Variants in MAGI2 observed in about 807,000 individuals in gnomAD.
MAGI2 encodes membrane-associated guanylate kinase, WW and PDZ domain-containing protein 2.
MAGI2 carries 35 observed loss-of-function variants against 133.3 expected under a neutral mutation model. The observed-to-expected ratio is 0.26, with a 90% CI of 0.20 to 0.35. The LOEUF (loss-of-function observed/expected upper bound fraction) is 0.35, where lower values mean the gene tolerates loss of function less well. Ranked by LOEUF, MAGI2 falls within the 10% of genes least tolerant of loss-of-function variation. The pLI is 1.00. For synonymous variants in MAGI2, 729 were observed against 710.6 expected (o/e 1.03, Z -0.41); for missense variants, 1,636 against 1,863.4 (o/e 0.88, Z 2.25).
At chr7:78,556,268 T>A (rs535920601) in intron 3 of MAGI2, among the ~76,000 whole-genome samples, 13 of 152,106 alleles carry the variant, frequency 8.5e-5, no homozygotes, top group Non-Finnish European at 1.5e-4. Context: ...CAAAACAGGG[T>A]GGGACATAAA....
At chr7:79,312,425 C>T (rs1838359340) in intron 1 of MAGI2, among the ~76,000 whole-genome samples, 2 of 152,144 alleles carry the variant, frequency 1.3e-5, no homozygotes, top group South Asian at 2.1e-4. Flanking sequence ...CCCCTGGGAA[C>T]CTTTATTACT....
At chr7:78,548,258 A>C (rs926656639) in intron 3 of MAGI2, among the ~76,000 whole-genome samples, 1 of 152,246 alleles carries the variant, frequency 6.6e-6, no homozygotes, top group African/African-American at 2.4e-5. Context: ...ATAGCTCTTC[A>C]TTATGAGAAA....
intron 10 of MAGI2, among the ~76,000 whole-genome samples, chr7:78,241,326 C>T (rs1386833658): frequency 2.6e-5 from 4 of 152,158 alleles, no homozygotes; most frequent in Non-Finnish European, 4.4e-5. Flanking sequence ...AATAACTCTA[C>T]AAGATTCCCA....
intron 1 of MAGI2, among the ~76,000 whole-genome samples, chr7:79,060,459 T>C (rs1044588492): frequency 2.0e-5 from 3 of 152,072 alleles, no homozygotes; most frequent in Admixed American, 2.0e-4. Context: ...GTTAGGTCAA[T>C]CAGATAGTAT....
intron 6 of MAGI2, among the ~76,000 whole-genome samples, chr7:78,434,783 T>C (rs1800123609): frequency 6.6e-6 from 1 of 152,046 alleles, no homozygotes; most frequent in South Asian, 2.1e-4. Context: ...AGTACAGATA[T>C]ATCAACTCTT....
chr7:78,627,714 C>T (rs1808520441), intron 2 of MAGI2, among the ~76,000 whole-genome samples: 1 of 152,062 alleles, frequency 6.6e-6, no homozygotes, highest in African/African-American at 2.4e-5. Flanking sequence ...TTTGGGAGGA[C>T]TGTTTGTTGG....
At chr7:78,847,217 C>T (rs908051298) in intron 2 of MAGI2, among the ~76,000 whole-genome samples, 11 of 151,852 alleles carry the variant, frequency 7.2e-5, no homozygotes, top group African/African-American at 2.4e-4. Context: ...GAGTAACTTC[C>T]GTATGCTAGA....
chr7:78,627,709 G>T (rs140306328), intron 2 of MAGI2, among the ~76,000 whole-genome samples: 20 of 152,270 alleles, frequency 1.3e-4, no homozygotes, highest in African/African-American at 4.8e-4. Context: ...TTTCTTTTGG[G>T]AGGACTGTTT....
intron 2 of MAGI2, among the ~76,000 whole-genome samples, chr7:78,754,220 A>C (rs1338401818): frequency 6.6e-6 from 1 of 151,896 alleles, no homozygotes; most frequent in African/African-American, 2.4e-5. Flanking sequence ...TCTACAAAAA[A>C]ATTAGCTGGG....
chr7:79,081,647 C>A (rs890444562), intron 1 of MAGI2, among the ~76,000 whole-genome samples: 1 of 152,074 alleles, frequency 6.6e-6, no homozygotes, highest in Non-Finnish European at 1.5e-5. Context: ...AGAAAATAAA[C>A]AAGCTAAGAG....
intron 2 of MAGI2, among the ~76,000 whole-genome samples, chr7:78,641,877 G>A (rs1810355438): frequency 6.6e-6 from 1 of 152,274 alleles, no homozygotes; most frequent in South Asian, 2.1e-4. Flanking sequence ...TACGTGTTTT[G>A]TGAGGCTGAT....
chr7:79,083,997 G>T (rs1816274181), intron 1 of MAGI2, among the ~76,000 whole-genome samples: 1 of 151,374 alleles, frequency 6.6e-6, no homozygotes, highest in Non-Finnish European at 1.5e-5. Context: ...CTTTGAGTTT[G>T]GTAATGACAC....
rs79456620 is a variant in MAGI2 at position 78,853,873 on chromosome 7, T to C, written c.418+153217A>G. The stretch of plus-strand genomic sequence containing the variant: ...CACTTGCAATACTAGAGTCTAGGGT[T>C]GAGGATAGGCACCCTGCAATGCCAT... On this transcript the variant is annotated intron_variant, in intron 2 of 21. Transcript: ENST00000354212. 1.9e-3 allele frequency among the ~76,000 whole-genome samples: 284 copies of C among 152,098 alleles called. 4 individuals carry two copies. The East Asian group carries it at 0.036, about 19-fold the overall frequency.
At chr7:79,240,123 A>C (rs1832272414) in intron 1 of MAGI2, among the ~76,000 whole-genome samples, 1 of 152,064 alleles carries the variant, frequency 6.6e-6, no homozygotes, top group South Asian at 2.1e-4. Flanking sequence ...CTGGTCTGAG[A>C]CCTGAAGGCA....
At chr7:79,259,329 A>G (rs1395908625) in intron 1 of MAGI2, among the ~76,000 whole-genome samples, 1 of 152,176 alleles carries the variant, frequency 6.6e-6, no homozygotes, top group Non-Finnish European at 1.5e-5. Flanking sequence ...GCTGAATGGC[A>G]CCTTATAGAT....
chr7:79,171,743 A>AATATATATAT (rs34570751), intron 1 of MAGI2, among the ~76,000 whole-genome samples: 11 of 29,580 alleles, frequency 3.7e-4, no homozygotes, highest in Admixed American at 4.7e-4. Context: ...AATAGCCAAA[A>AATATATATAT]ATATATATAT....
rs369582669 is a variant in MAGI2 at position 78,663,254 on chromosome 7, T to C, written c.419-36015A>G. On this transcript the variant is annotated intron_variant, in intron 2 of 21. Transcript: ENST00000354212. The stretch of plus-strand genomic sequence containing the variant: ...CACAGTCTCACTCTCTCGCCCAAGC[T>C]GGAGTGCAGTGGCCTGATCTCTGCT... Among the ~76,000 whole-genome samples, 21 of 146,986 alleles carry C rather than the reference T, an allele frequency of 1.4e-4. 1 individual carries two copies. The South Asian group carries it at 3.5e-3, about 25-fold the overall frequency.
intron 2 of MAGI2, among the ~76,000 whole-genome samples, chr7:78,852,060 T>G (rs1793180183): frequency 6.6e-6 from 1 of 152,162 alleles, no homozygotes. Flanking sequence ...ATTGCCATAT[T>G]TTTAAAGTCT....
At chr7:79,254,153 G>A (rs1246335711) in intron 1 of MAGI2, among the ~76,000 whole-genome samples, 1 of 152,006 alleles carries the variant, frequency 6.6e-6, no homozygotes, top group African/African-American at 2.4e-5. Flanking sequence ...TTTGTCAAAT[G>A]TGCATTTCTA....
Sources: allele counts gnomAD v4.1 joint callset (sites outside exome capture counted in the v4.1 genomes callset), GRCh38; gene constraint gnomAD v4.1.1; transcripts MANE v1.5; gene names NCBI Gene and HGNC (gene_info 2026-07-23, HGNC 2026-07-21).